POLK: variants seen among roughly 807,000 people sequenced by gnomAD.
The protein encoded by POLK is DNA polymerase kappa, also known as polymerase (DNA directed) kappa.
Under a neutral mutation model 94.0 loss-of-function variants are expected in POLK, and 76 were observed. The ratio of observed to expected loss-of-function variants is 0.81; its 90% CI spans 0.67 to 0.98. The LOEUF is 0.98. Among genes scored for constraint, POLK ranks in the 50% least tolerant of loss-of-function variants. The pLI is 0.00. For synonymous variants in POLK, 349 were observed against 325.4 expected (o/e 1.07, Z -0.78); for missense variants, 954 against 1,010.1 (o/e 0.94, Z 0.75).
intron 3 of POLK, among the ~76,000 whole-genome samples, chr5:75,563,794 G>A (rs889704511): frequency 6.6e-6 from 1 of 152,170 alleles, no homozygotes; most frequent in African/African-American, 2.4e-5. Context: ...TGCATTTGCT[G>A]AGGAGTGTTT....
intron 11 of POLK, among the ~76,000 whole-genome samples, chr5:75,593,138 C>T (rs900746673): frequency 5.3e-5 from 8 of 151,394 alleles, no homozygotes; most frequent in African/African-American, 1.9e-4. Flanking sequence ...TTTAATTATT[C>T]TTTTTTTTTC....
At position 75,516,602 on chromosome 5, in the gene POLK, G is replaced by GTAT. The variant is rs201065884; in HGVS notation, c.-14+4689_-14+4691dup. ...ATTGCTTGAGCTCAGGAGGTCAAGG[G>GTAT]TATAGAAAGCTGTGATTACACCACT... On this transcript the variant is annotated intron_variant, in intron 1 of 14. Transcript: ENST00000241436. Among the ~76,000 whole-genome samples, 164 of 152,166 alleles carry GTAT rather than the reference G, an allele frequency of 1.1e-3. 1 individual carries two copies. In the East Asian group the frequency reaches 0.027, roughly 25 times the overall value.
exon 7 of POLK, chr5:75,581,377 C>G: frequency 1.2e-6 from 2 of 1,613,270 alleles, no homozygotes; most frequent in Non-Finnish European, 8.5e-7. Flanking sequence ...GTTTTTGGAA[C>G]ATCAGCCCAG....
At chr5:75,532,295 A>G (rs904256375) in intron 1 of POLK, among the ~76,000 whole-genome samples, 1 of 151,994 alleles carries the variant, frequency 6.6e-6, no homozygotes, top group Non-Finnish European at 1.5e-5. Flanking sequence ...TGTGTACTCA[A>G]AGTTTAACTG....
At chr5:75,555,843 A>C (rs971898062) in intron 3 of POLK, among the ~76,000 whole-genome samples, 2 of 152,118 alleles carry the variant, frequency 1.3e-5, no homozygotes, top group Non-Finnish European at 2.9e-5. Context: ...GCCATACCAC[A>C]GACAATTGAA....
chr5:75,594,616 C>T (rs191511110), intron 12 of POLK, among the ~76,000 whole-genome samples: 2 of 152,338 alleles, frequency 1.3e-5, no homozygotes, highest in African/African-American at 4.8e-5. Flanking sequence ...GCAACACCCC[C>T]TGTTCAAACA....
At chr5:75,511,599 C>G, upstream of POLK, 1 of 1,466,610 alleles carries the variant, frequency 6.8e-7, no homozygotes, top group Non-Finnish European at 9.0e-7. Flanking sequence ...CCTCCGCTAC[C>G]GCCGCCATCT....
intron 4 of POLK, among the ~76,000 whole-genome samples, chr5:75,573,384 G>A (rs1254758676): frequency 6.6e-6 from 1 of 151,964 alleles, no homozygotes; most frequent in Admixed American, 6.6e-5. Flanking sequence ...GAAGGGGGAG[G>A]GATAGCATTA....
At chr5:75,550,179 T>C (rs1770263119) in intron 2 of POLK, among the ~76,000 whole-genome samples, 1 of 152,184 alleles carries the variant, frequency 6.6e-6, no homozygotes, top group African/African-American at 2.4e-5. Flanking sequence ...TATACATCAT[T>C]ATGAATGCAA....
chr5:75,569,452 T>TG lies in POLK; in HGVS notation c.369dup (p.Lys124GlufsTer3). The TG allele has an allele frequency of 6.2e-7, 1 of 1,613,764 alleles. No homozygotes were observed. Among genetic ancestry groups the TG allele is most frequent in the Non-Finnish European group, 8.5e-7 (1 of 1,179,782 alleles). ...GTAGAAATGAGGGACAATCCAGAAT[T>TG]GAAGGATAAACCCATTGCTGTAGGA... On this transcript the variant is annotated frameshift_variant, in exon 4 of 15. Transcript: ENST00000241436. LOFTEE classifies it high-confidence loss of function.
intron 3 of POLK, among the ~76,000 whole-genome samples, chr5:75,555,001 G>C (rs1770543793): frequency 6.6e-6 from 1 of 152,096 alleles, no homozygotes; most frequent in Non-Finnish European, 1.5e-5. Context: ...ATTTTTCAAA[G>C]CAGTTTTAGG....
At chr5:75,561,299 A>G (rs1215703394) in intron 3 of POLK, among the ~76,000 whole-genome samples, 2 of 152,150 alleles carry the variant, frequency 1.3e-5, no homozygotes, top group African/African-American at 2.4e-5. Flanking sequence ...GGCTGCATAA[A>G]GGTCTTCTTT....
chr5:75,609,170 A>T, the POLK span: 27 of 152,164 alleles, frequency 1.8e-4, no homozygotes, highest in African/African-American at 5.8e-4. Flanking sequence ...GGATTTTTTT[A>T]AAAGTAAATT....
Position 75,587,065 on chromosome 5 carries a change from T to G in POLK, c.1259+7T>G. On this transcript the variant is annotated splice_region_variant and intron_variant, in intron 10 of 14. Transcript: ENST00000241436. ...AAAGTATGAGCGTTGAGAGGTAATG[T>G]TTTATTATTTATTGTTAATTGTGCA... 1.4e-6 allele frequency: 2 copies of G among 1,453,070 alleles called. No individual in the cohort carries two copies. Among genetic ancestry groups the G allele is most frequent in the Non-Finnish European group, 1.9e-6 (2 of 1,048,490 alleles). The allele number at this position is 1,453,070 out of a possible 1,614,324, so 90.0% of individuals were successfully genotyped here. A position where few individuals can be genotyped will look rare whatever the true frequency, so the allele number is the denominator to read the frequency against.
rs80201846 is a variant in POLK at position 75,598,735 on chromosome 5, A to G, written c.*717A>G. On this transcript the variant is annotated 3_prime_UTR_variant, in exon 15 of 15. Coordinates refer to ENST00000241436, the Ensembl canonical transcript of POLK. Reference sequence around the variant, plus strand: ...TTATGTTGGTACTTTCCACAAATCTATAAAGAAGGATAAATTGTACCATCA... The same window carrying G: ...TTATGTTGGTACTTTCCACAAATCTGTAAAGAAGGATAAATTGTACCATCA... The G allele has an allele frequency of 6.6e-5, 10 of 152,318 alleles. No homozygotes were observed. The East Asian group carries it at 1.9e-3, about 29-fold the overall frequency. 9.4% of individuals were successfully genotyped at this position (152,318 alleles called of 1,614,324 possible). A position where few individuals can be genotyped will look rare whatever the true frequency, so the allele number is the denominator to read the frequency against.
At chr5:75,542,402 G>C (rs1048114463) in intron 1 of POLK, among the ~76,000 whole-genome samples, 1 of 151,180 alleles carries the variant, frequency 6.6e-6, no homozygotes, top group African/African-American at 2.4e-5. Context: ...ATATTTTCTG[G>C]TAGATTAATT....
chr5:75,584,913 A>C, exon 9 of POLK: 1 of 1,592,544 alleles, frequency 6.3e-7, no homozygotes, highest in Non-Finnish European at 8.6e-7. Flanking sequence ...TCTAGGTTCA[A>C]CACACCTGAC....
At chr5:75,586,919 TAAA>T in intron 9 of POLK, 104 bp from the exon 10 acceptor site, 1 of 730,388 alleles carries the variant, frequency 1.4e-6, no homozygotes, top group South Asian at 1.8e-5. Flanking sequence ...TAAATTTTAA[TAAA>T]AAATTTGAGA....
chr5:75,597,223 G>C, intron 13 of POLK, 45 bp downstream of exon 13: 1 of 946,468 alleles, frequency 1.1e-6, no homozygotes, highest in Middle Eastern at 2.3e-4. Context: ...CTAGGAATAT[G>C]TATTATTAAA....
Sources: allele counts gnomAD v4.1 joint callset (sites outside exome capture counted in the v4.1 genomes callset), GRCh38; gene constraint gnomAD v4.1.1; transcripts MANE v1.5; gene names NCBI Gene and HGNC (gene_info 2026-07-23, HGNC 2026-07-21).